FBXW11: variants seen among roughly 807,000 people sequenced by gnomAD.
The protein encoded by FBXW11 is F-box and WD repeat domain containing 11, also known as F-box/WD repeat-containing protein 11.
Under a neutral mutation model 77.6 loss-of-function variants are expected in FBXW11, and 19 were observed. The ratio of observed to expected loss-of-function variants is 0.24; its 90% CI spans 0.17 to 0.36. FBXW11 has a LOEUF of 0.36. Ranked by LOEUF, FBXW11 falls within the 10% of genes least tolerant of loss-of-function variation. The pLI, the probability that FBXW11 is intolerant of heterozygous loss-of-function variation, is 1.00. For synonymous variants in FBXW11, 235 were observed against 249.4 expected (o/e 0.94, Z 0.54); for missense variants, 334 against 704.2 (o/e 0.47, Z 5.95).
intron 2 of FBXW11, among the ~76,000 whole-genome samples, chr5:171,933,122 C>A (rs1037890335): frequency 7.2e-6 from 1 of 139,650 alleles, no homozygotes; most frequent in Non-Finnish European, 1.5e-5. Flanking sequence ...CAAAGCAAGA[C>A]CTTCTCTCAA....
chr5:171,957,692 C>A lies in FBXW11; in HGVS notation c.52G>T (p.Val18Leu). ...EDKTIELMCS[V>L]PRSLWLGCAN... ...CAGCCTAGCCACAAAGACCTTGGCA[C>A]AGAACACTGCAGGATGACAAAAAGG... Residue 18 changes from valine to leucine, a missense_variant, in exon 2 of 14, where the codon GTG becomes TTG. Around this residue, in one of 10 missense-constraint regions of FBXW11, gnomAD observed 80 missense variants for 105.1 expected, o/e 0.76. Coordinates refer to ENST00000517395, the MANE Select transcript of FBXW11 (RefSeq NM_001378974.1). The A allele has an allele frequency of 6.2e-7, 1 of 1,613,838 alleles. No individual in the cohort carries two copies. Among genetic ancestry groups the A allele is most frequent in the South Asian group, 1.1e-5 (1 of 91,078 alleles).
At chr5:171,884,412 T>TCC (rs1758738318) in intron 7 of FBXW11, among the ~76,000 whole-genome samples, 1 of 152,234 alleles carries the variant, frequency 6.6e-6, no homozygotes, top group South Asian at 2.1e-4. Flanking sequence ...CCTATTTTTG[T>TCC]ACCAGTACCA....
chr5:171,967,869 TATATATATATATATACACAC>T (rs1376328187), intron 1 of FBXW11, among the ~76,000 whole-genome samples: 9 of 74,244 alleles, frequency 1.2e-4, no homozygotes, highest in Admixed American at 4.0e-4. Context: ...TATATATATA[TATATATATATATATACACAC>T]ACACACACAC....
At chr5:171,984,808 C>T (rs1765349197) in intron 1 of FBXW11, among the ~76,000 whole-genome samples, 1 of 152,090 alleles carries the variant, frequency 6.6e-6, no homozygotes, top group South Asian at 2.1e-4. Flanking sequence ...TTACTTTATG[C>T]ACAATTTTCA....
At chr5:171,882,936 C>G (rs1194438659) in intron 7 of FBXW11, among the ~76,000 whole-genome samples, 1 of 150,780 alleles carries the variant, frequency 6.6e-6, no homozygotes, top group Non-Finnish European at 1.5e-5. Flanking sequence ...CCCTTGCCCC[C>G]CTCCCACTCG....
chr5:171,961,041 G>C (rs1380224775), intron 1 of FBXW11, among the ~76,000 whole-genome samples: 3 of 152,044 alleles, frequency 2.0e-5, no homozygotes, highest in Admixed American at 1.3e-4. Flanking sequence ...CTTTATAAAG[G>C]ATATCTCATC....
At chr5:171,935,016 T>C (rs548436654) in intron 2 of FBXW11, among the ~76,000 whole-genome samples, 1 of 152,206 alleles carries the variant, frequency 6.6e-6, no homozygotes, top group African/African-American at 2.4e-5. Flanking sequence ...TGGAGTGCTG[T>C]GGCTTGATCT....
chr5:171,866,414 A>G lies in FBXW11; in HGVS notation c.*25+2196T>C, dbSNP rs1339432557. 7.9e-5 allele frequency among the ~76,000 whole-genome samples: 12 copies of G among 152,336 alleles called. No homozygotes were observed. In the East Asian group the frequency reaches 1.7e-3, roughly 22 times the overall value. On this transcript the variant is annotated intron_variant, in intron 13 of 13. Transcript: ENST00000517395. ...TACAGGGAACCTCCAGCTTAAGCAG[A>G]TAAGATTTTTCCATTGACTTATAAT...
intron 3 of FBXW11, among the ~76,000 whole-genome samples, chr5:171,912,151 G>A (rs1760918710): frequency 1.3e-5 from 2 of 152,038 alleles, no homozygotes; most frequent in Non-Finnish European, 2.9e-5. Flanking sequence ...AATATCCAAA[G>A]GAGTCTTCAG....
chr5:171,861,960 A>G lies in FBXW11; in HGVS notation c.*2167T>C, dbSNP rs1380039087. On this transcript the variant is annotated 3_prime_UTR_variant, in exon 14 of 14. Transcript: ENST00000517395. ...ACTATTATAATCCCAGAAAGTCAGA[A>G]CTCCTTGGGTGCCAAAGTCCCCTGC... 1.3e-5 allele frequency: 2 copies of G among 152,570 alleles called. No individual in the cohort carries two copies. Among genetic ancestry groups the G allele is most frequent in the Middle Eastern group, 3.2e-3 (1 of 316 alleles). The allele number at this position is 152,570 out of a possible 1,614,324, so 9.5% of individuals were successfully genotyped here. A position where few individuals can be genotyped will look rare whatever the true frequency, so the allele number is the denominator to read the frequency against.
intron 2 of FBXW11, among the ~76,000 whole-genome samples, chr5:171,952,447 A>ATATATTTTTTTTTTTTTTTTTTTTTT (rs1200841290): frequency 1.4e-4 from 1 of 6,942 alleles, no homozygotes; most frequent in Non-Finnish European, 3.2e-4. Flanking sequence ...ATATATATAT[A>ATATATTTTTTTTTTTTTTTTTTTTTT]TTTTTTTTTT....
intron 6 of FBXW11, among the ~76,000 whole-genome samples, chr5:171,896,899 A>G (rs906243711): frequency 6.6e-6 from 1 of 152,154 alleles, no homozygotes; most frequent in Non-Finnish European, 1.5e-5. Context: ...TGATCCATGG[A>G]TCACTGGAAG....
intron 2 of FBXW11, among the ~76,000 whole-genome samples, chr5:171,920,517 G>A (rs1244170621): frequency 6.6e-6 from 1 of 151,530 alleles, no homozygotes. Flanking sequence ...CCTGAGGCGA[G>A]GAGTTTGAGA....
At chr5:171,910,906 T>C in intron 3 of FBXW11, 109 bp from the exon 4 acceptor site, 1 of 751,898 alleles carries the variant, frequency 1.3e-6, no homozygotes, top group Non-Finnish European at 2.1e-6. Flanking sequence ...AATGCCACTT[T>C]TACCCTAAAG....
chr5:171,957,946 G>C (rs1005630482), intron 1 of FBXW11, among the ~76,000 whole-genome samples: 3 of 152,212 alleles, frequency 2.0e-5, no homozygotes, highest in African/African-American at 7.2e-5. Flanking sequence ...AAGAGGGACA[G>C]AGAGAATGTT....
chr5:171,952,434 T>C (rs1304791872), intron 2 of FBXW11, among the ~76,000 whole-genome samples: 1 of 15,584 alleles, frequency 6.4e-5, no homozygotes, highest in African/African-American at 2.2e-4. Context: ...TATATATATA[T>C]ATATATATAT....
chr5:171,872,143 G>T (rs1757789397), intron 10 of FBXW11, among the ~76,000 whole-genome samples: 1 of 151,998 alleles, frequency 6.6e-6, no homozygotes, highest in African/African-American at 2.4e-5. Flanking sequence ...CAAACATTAG[G>T]CAATTATAAA....
chr5:171,914,285 G>A, intron 3 of FBXW11, 58 bp downstream of exon 3: 1 of 1,419,914 alleles, frequency 7.0e-7, no homozygotes. Flanking sequence ...ATTAACTGAG[G>A]GAGCATCCTA....
intron 1 of FBXW11, among the ~76,000 whole-genome samples, chr5:171,988,246 G>A (rs1278124520): frequency 1.3e-5 from 2 of 152,266 alleles, no homozygotes; most frequent in East Asian, 1.9e-4. Context: ...AAGAACCAGA[G>A]CCTTGGAGAA....
Sources: gnomAD v4.1 joint callset for allele counts (sites outside exome capture counted in the v4.1 genomes callset) on GRCh38, gnomAD v4.1.1 for gene constraint, gnomAD v4.1.1 regional missense constraint, MANE v1.5 for transcripts, NCBI Gene and HGNC (gene_info 2026-07-23, HGNC 2026-07-21) for gene names.